NFYC: variants seen among roughly 807,000 people sequenced by gnomAD.
NFYC encodes CAAT box DNA-binding protein subunit C.
A neutral mutation model predicts 53.1 loss-of-function variants in NFYC; 25 were observed. The observed-to-expected ratio is 0.47, with a 90% CI of 0.34 to 0.66. The LOEUF is 0.66. NFYC is among the 30% of genes least tolerant of loss of function. The pLI, the probability that NFYC is intolerant of heterozygous loss-of-function variation, is 0.01. For missense variants in NFYC, 260 were observed against 422.7 expected, an observed-to-expected ratio of 0.62 and a Z score of 3.38; for synonymous variants, 145 against 152.6, an observed-to-expected ratio of 0.95 and a Z score of 0.37.
chr1:40,766,920 G>T (rs906201484), intron 8 of NFYC: 1 of 1,552,154 alleles, frequency 6.4e-7, no homozygotes, highest in Admixed American at 2.0e-5. Flanking sequence ...TTCTCAAGGG[G>T]CAAAGAAATG....
chr1:40,722,095 C>T (rs1043168962), intron 1 of NFYC, among the ~76,000 whole-genome samples: 33 of 152,036 alleles, frequency 2.2e-4, no homozygotes, highest in African/African-American at 6.5e-4. Flanking sequence ...GGTGTGGACC[C>T]GGGAGGCGAA....
At chr1:40,759,847 A>C (rs368920102) in intron 6 of NFYC, among the ~76,000 whole-genome samples, 3 of 152,144 alleles carry the variant, frequency 2.0e-5, no homozygotes, top group Non-Finnish European at 4.4e-5. Flanking sequence ...GGGACCATCT[A>C]CGCAAGTTTG....
intron 1 of NFYC, among the ~76,000 whole-genome samples, chr1:40,711,421 C>T (rs1380677902): frequency 2.6e-5 from 4 of 152,114 alleles, no homozygotes; most frequent in Non-Finnish European, 2.9e-5. Flanking sequence ...GTTGTAGGTG[C>T]TGACTTGACC....
chr1:40,759,578 T>C (rs2148747523), intron 6 of NFYC, among the ~76,000 whole-genome samples: 1 of 150,920 alleles, frequency 6.6e-6, no homozygotes. Context: ...TGTGTGTGTA[T>C]GTGTGTGTGT....
chr1:40,760,225 G>C (rs1646467988), intron 6 of NFYC, among the ~76,000 whole-genome samples: 1 of 152,164 alleles, frequency 6.6e-6, no homozygotes. Flanking sequence ...CCACAGTGGT[G>C]GGATGACAGG....
chr1:40,747,464 ACTGC>A (rs1351435725), intron 2 of NFYC, 66 bp from the exon 3 acceptor site: 6 of 1,046,648 alleles, frequency 5.7e-6, no homozygotes, highest in Non-Finnish European at 9.0e-6. Context: ...AGTGTTTCCT[ACTGC>A]CTGTCATGCT....
intron 9 of NFYC, among the ~76,000 whole-genome samples, chr1:40,769,813 G>A (rs997411680): frequency 1.3e-5 from 2 of 152,120 alleles, no homozygotes; most frequent in Non-Finnish European, 2.9e-5. Context: ...CTGTTGAGAC[G>A]CAGAGAACAC....
At chr1:40,765,929 C>T (rs1010423559) in intron 7 of NFYC, among the ~76,000 whole-genome samples, 1 of 152,170 alleles carries the variant, frequency 6.6e-6, no homozygotes, top group East Asian at 1.9e-4. Flanking sequence ...AGGGCGCTTT[C>T]GTAGCTTTGG....
chr1:40,751,817 AGATT>A (rs1175626208), intron 4 of NFYC, among the ~76,000 whole-genome samples: 1 of 152,152 alleles, frequency 6.6e-6, no homozygotes, highest in Non-Finnish European at 1.5e-5. Context: ...CCATTTAGAT[AGATT>A]GAGTAGATGA....
chr1:40,706,152 G>A (rs1643682599), intron 1 of NFYC, among the ~76,000 whole-genome samples: 1 of 152,010 alleles, frequency 6.6e-6, no homozygotes, highest in African/African-American at 2.4e-5. Flanking sequence ...GGTGCTCCAT[G>A]TCTTGGTAAG....
intron 1 of NFYC, among the ~76,000 whole-genome samples, chr1:40,722,465 A>G (rs1421728810): frequency 6.6e-6 from 1 of 152,254 alleles, no homozygotes; most frequent in Non-Finnish European, 1.5e-5. Context: ...TTTTAAAGAA[A>G]TATGTCAAAA....
chr1:40,709,326 T>A (rs1178011982), intron 1 of NFYC: 1 of 152,230 alleles, frequency 6.6e-6, no homozygotes, highest in Non-Finnish European at 1.5e-5. Flanking sequence ...CTAGATTGAA[T>A]GCCTTTGACT....
chr1:40,732,985 C>T (rs947013757), intron 1 of NFYC, among the ~76,000 whole-genome samples: 9 of 147,604 alleles, frequency 6.1e-5, no homozygotes, highest in African/African-American at 2.0e-4. Context: ...ATAAGTATGT[C>T]AGGGCCAAGC....
intron 1 of NFYC, among the ~76,000 whole-genome samples, chr1:40,720,822 T>C (rs1370915411): frequency 6.6e-6 from 1 of 152,204 alleles, no homozygotes; most frequent in Non-Finnish European, 1.5e-5. Flanking sequence ...TGAGCCATGA[T>C]TACGCCACTG....
chr1:40,725,209 T>C (rs1644467330), intron 1 of NFYC, among the ~76,000 whole-genome samples: 2 of 152,232 alleles, frequency 1.3e-5, no homozygotes, highest in Admixed American at 6.5e-5. Flanking sequence ...ATAGAGACTA[T>C]TGAACCTTCT....
intron 5 of NFYC, among the ~76,000 whole-genome samples, chr1:40,755,153 A>G (rs1289463052): frequency 1.3e-5 from 2 of 152,214 alleles, no homozygotes; most frequent in African/African-American, 4.8e-5. Flanking sequence ...CACTCTTGCT[A>G]CTAAAGCGAA....
At chr1:40,713,138 T>C (rs1643997486) in intron 1 of NFYC, among the ~76,000 whole-genome samples, 1 of 152,164 alleles carries the variant, frequency 6.6e-6, no homozygotes, top group Admixed American at 6.5e-5. Flanking sequence ...CTCATGGGGG[T>C]TTCTTTTAAT....
In NFYC at chr1:40,728,431, T is replaced by C. The variant is rs994336217; in HGVS notation, c.-8-10405T>C. ...GGCCAACGTGGCGAAACCCTGTCTT[T>C]ACTAAAATTACAAAAATTAGCTGGG... On this transcript the variant is annotated intron_variant, in intron 1 of 9. Transcript: ENST00000447388. 1.1e-4 allele frequency among the ~76,000 whole-genome samples: 16 copies of C among 151,956 alleles called. No individual in the cohort carries two copies. The East Asian group carries it at 2.8e-3, about 27-fold the overall frequency.
chr1:40,720,150 C>G (rs559666197), intron 1 of NFYC, among the ~76,000 whole-genome samples: 1 of 152,092 alleles, frequency 6.6e-6, no homozygotes, highest in Non-Finnish European at 1.5e-5. Context: ...TCCTTTCTTT[C>G]TTCTCCTCTT....
Sources: gnomAD v4.1 joint callset for allele counts (sites outside exome capture counted in the v4.1 genomes callset) on GRCh38, gnomAD v4.1.1 for gene constraint, MANE v1.5 for transcripts, NCBI Gene and HGNC (gene_info 2026-07-23, HGNC 2026-07-21) for gene names.